The following CP variants were observed in gnomAD, a reference collection of about 807,000 sequenced individuals.
The protein encoded by CP is ceruloplasmin.
A neutral mutation model predicts 122.4 loss-of-function variants in CP; 64 were observed. The ratio of observed to expected loss-of-function variants is 0.52; its 90% confidence interval spans 0.43 to 0.64. CP has a LOEUF of 0.64. Among genes scored for constraint, CP ranks in the 30% least tolerant of loss-of-function variants. CP has a pLI of 0.00. For synonymous variants in CP, 440 were observed against 436.4 expected (o/e 1.01, Z -0.10); for missense variants, 1,167 against 1,284.4 (o/e 0.91, Z 1.40).
chr3:149,199,674 A>T (rs778679566), intron 8 of CP, 38 bp downstream of exon 8: 22 of 1,612,756 alleles, frequency 1.4e-5, no homozygotes, highest in African/African-American at 2.7e-5. Flanking sequence ...GTGGGTTATT[A>T]AACATTGTTG....
At chr3:149,193,603 A>G (rs1726688403) in intron 9 of CP, among the ~76,000 whole-genome samples, 1 of 152,204 alleles carries the variant, frequency 6.6e-6, no homozygotes, top group South Asian at 2.1e-4. Context: ...TATTAAAATG[A>G]TATTTTTTTA....
At chr3:149,182,238 T>C (rs1725835855) in intron 13 of CP, 105 bp from the exon 14 acceptor site, 3 of 1,296,738 alleles carry the variant, frequency 2.3e-6, no homozygotes, top group African/African-American at 1.5e-5. Context: ...GGGTTTGTGG[T>C]ATAATACTCT....
chr3:149,212,757 C>A, intron 1 of CP, 59 bp from the exon 2 acceptor site: 1 of 1,567,772 alleles, frequency 6.4e-7, no homozygotes, highest in South Asian at 1.1e-5. Flanking sequence ...ATGACATTAT[C>A]ATTATAATTT....
At chr3:149,184,028 C>CTTTTTT (rs869206210) in intron 12 of CP, among the ~76,000 whole-genome samples, 667 of 63,590 alleles carry the variant, frequency 0.01, 78 homozygotes, top group Middle Eastern at 0.038. Flanking sequence ...TCACTTACTT[C>CTTTTTT]TTTTTTTTTT....
intron 11 of CP, chr3:149,185,992 A>G (rs988398081): frequency 5.7e-6 from 1 of 175,156 alleles, no homozygotes; most frequent in African/African-American, 2.4e-5. Context: ...GAAGCCTGAA[A>G]CAAGCTAGCA....
chr3:149,220,093 C>G (rs940348769), intron 1 of CP, among the ~76,000 whole-genome samples: 5 of 152,176 alleles, frequency 3.3e-5, no homozygotes, highest in African/African-American at 7.2e-5. Flanking sequence ...CTGGCACAGA[C>G]AGGCCACAGG....
At position 149,198,493 on chromosome 3, in the gene CP, A is replaced by C. The variant is rs56400211; in HGVS notation, c.1587T>G (p.Asn529Lys). The C allele has an allele frequency of 6.2e-7, 1 of 1,614,100 alleles. No homozygotes were observed. Among genetic ancestry groups the C allele is most frequent in the South Asian group, 1.1e-5 (1 of 91,086 alleles). Reference sequence around the variant, plus strand: ...TCTTAGCTAGACACACAGGATCTGCATTAGTGGGTCCTACTTCTTTGGGGA... The same window carrying C: ...TCTTAGCTAGACACACAGGATCTGCCTTAGTGGGTCCTACTTCTTTGGGGA... ...WTVPKEVGPT[N>K]ADPVCLAKMY... The change falls in exon 9 of 19, where the codon AAT becomes AAG. Residue 529 changes from asparagine to lysine, a missense_variant. By Grantham distance (94) the Asn-to-Lys change is moderately conservative (BLOSUM62 0). Transcript: ENST00000264613.
intron 1 of CP, among the ~76,000 whole-genome samples, chr3:149,221,281 G>C (rs1241137334): frequency 6.6e-6 from 1 of 152,108 alleles, no homozygotes; most frequent in Non-Finnish European, 1.5e-5. Flanking sequence ...AAAATTTTAT[G>C]CCTATCATGA....
chr3:149,172,009 C>A, downstream of CP: 1 of 1,396,476 alleles, frequency 7.2e-7, no homozygotes. Flanking sequence ...CTGGCCTGAA[C>A]TGGCTTCTAA....
chr3:149,212,594 A>G lies in CP; in HGVS notation c.251T>C (p.Ile84Thr). 1.2e-6 allele frequency: 2 copies of G among 1,614,060 alleles called. No individual in the cohort carries two copies. Among genetic ancestry groups the G allele is most frequent in the Non-Finnish European group, 1.7e-6 (2 of 1,179,970 alleles). ...AAACCCAAGCCAGACCGGTTTTTCT[A>G]TAGTTGTCCTAAAGGTTTCATCTGT... The part of the protein sequence containing the change: ...QYTDETFRTT[I>T]EKPVWLGFLG... Residue 84 changes from isoleucine to threonine, a missense_variant, in exon 2 of 19, where the codon ATA becomes ACA. By Grantham distance (89) the Ile-to-Thr change is moderately conservative. Transcript: ENST00000264613.
intron 9 of CP, among the ~76,000 whole-genome samples, chr3:149,196,419 A>G (rs183229335): frequency 8.5e-5 from 13 of 152,322 alleles, no homozygotes; most frequent in African/African-American, 1.9e-4. Flanking sequence ...TGTTTGCCCA[A>G]TAGCAACAAG....
chr3:149,166,070 G>C, intron 4 of CP: 1 of 454,182 alleles, frequency 2.2e-6, no homozygotes, highest in Non-Finnish European at 4.4e-6. Context: ...AAAGGGTACA[G>C]GGACAAGAAA....
chr3:149,205,954 A>G (rs994912426), intron 6 of CP, among the ~76,000 whole-genome samples: 2 of 152,184 alleles, frequency 1.3e-5, no homozygotes, highest in Non-Finnish European at 2.9e-5. Flanking sequence ...TTTGTCAAGC[A>G]TTTGATAACT....
intron 4 of CP, 83 bp downstream of exon 4, chr3:149,209,128 T>G: frequency 6.5e-7 from 1 of 1,549,042 alleles, no homozygotes; most frequent in South Asian, 1.1e-5. Flanking sequence ...ACACAGTACT[T>G]ATTTATGTGA....
rs1237337714 is a variant in CP at position 149,206,151 on chromosome 3, C to CT, written c.1208+16dup. The CT allele has an allele frequency of 4.3e-6, 7 of 1,611,710 alleles. No homozygotes were observed. The highest frequency in any genetic ancestry group is 2.2e-5 in the East Asian group (1 of 44,872). ...GGAGAGCATATTTTGAAATAGTACT[C>CT]TTTTTTTGTAAATTACCTTCCAGGT... On this transcript the variant is annotated intron_variant, in intron 6 of 18. Transcript: ENST00000264613.
intron 1 of CP, among the ~76,000 whole-genome samples, chr3:149,213,743 T>C (rs1225622801): frequency 1.3e-5 from 2 of 152,112 alleles, no homozygotes; most frequent in Non-Finnish European, 2.9e-5. Context: ...GGCCGAGTAA[T>C]CTGACTGAGG....
At position 149,182,059 on chromosome 3, in the gene CP, T is replaced by C. The variant is rs1377096899; in HGVS notation, c.2500A>G (p.Ile834Val). 2 of 1,577,464 alleles carry C rather than the reference T, an allele frequency of 1.3e-6. No homozygotes were observed. The highest frequency in any genetic ancestry group is 2.4e-5 in the East Asian group (1 of 41,814). Residue 834 changes from isoleucine to valine, a missense_variant, in exon 14 of 19, where the codon ATA (isoleucine) becomes GTA (valine). Around this residue, in one of 2 missense-constraint regions of CP, gnomAD observed 525 missense variants for 657.2 expected, o/e 0.80. Transcript: ENST00000264613. ...FKNMATRPYS[I>V]HAHGVQTESS... Reference sequence around the variant, plus strand: ...TCTGTTTGTACCCCATGGGCATGTATTGAGTAGGGCCTTGTGGCCATGTTT... The same window carrying C: ...TCTGTTTGTACCCCATGGGCATGTACTGAGTAGGGCCTTGTGGCCATGTTT...
chr3:149,205,868 C>A (rs746420365), intron 6 of CP, among the ~76,000 whole-genome samples: 17 of 152,146 alleles, frequency 1.1e-4, no homozygotes, highest in Non-Finnish European at 2.2e-4. Flanking sequence ...GCTGCTGAAT[C>A]GTACAGTGCC....
Position 149,191,243 on chromosome 3 carries a change from A to AT in CP, c.1714-3042dup, listed in dbSNP as rs60907154. Among the ~76,000 whole-genome samples, 287 of 107,050 alleles carry AT rather than the reference A, an allele frequency of 2.7e-3. 1 individual carries two copies. Among genetic ancestry groups the AT allele is most frequent in the African/African-American group, 7.3e-3 (198 of 27,294 alleles). The allele number at this position is 107,050 out of a possible 152,430, so 70.2% of individuals were successfully genotyped here. The stretch of plus-strand genomic sequence containing the variant: ...TTTCTGTTCACTATCTCATTACGCT[A>AT]TTTTTTTTTTTTTTTTTTTTGCAGA... On this transcript the variant is annotated intron_variant, in intron 9 of 18. Coordinates refer to ENST00000264613, the MANE Select transcript of CP (RefSeq NM_000096.4).
Sources: allele counts gnomAD v4.1 joint callset (sites outside exome capture counted in the v4.1 genomes callset), GRCh38; gene constraint gnomAD v4.1.1; regional missense constraint gnomAD v4.1.1; transcripts MANE v1.5; gene names NCBI Gene and HGNC (gene_info 2026-07-23, HGNC 2026-07-21).